Variants in PRKCH observed in about 807,000 individuals in gnomAD.
PRKCH encodes protein kinase C eta, also known as protein kinase C eta type.
A neutral mutation model predicts 82.5 loss-of-function variants in PRKCH; 28 were observed. The observed-to-expected ratio is 0.34, with a 90% confidence interval of 0.25 to 0.47. The LOEUF (loss-of-function observed/expected upper bound fraction) is 0.47, where lower values mean the gene tolerates loss of function less well. PRKCH is among the 20% of genes least tolerant of loss of function. The probability of loss-of-function intolerance (pLI) is 1.00; values close to 1 mark genes in which losing one functional copy is unlikely to be tolerated. For missense variants in PRKCH, 705 were observed against 881.8 expected, an observed-to-expected ratio of 0.80 and a Z score of 2.54; for synonymous variants, 322 against 327.4, an observed-to-expected ratio of 0.98 and a Z score of 0.18.
intron 1 of PRKCH, among the ~76,000 whole-genome samples, chr14:61,229,524 G>A (rs76597683): frequency 3.3e-5 from 5 of 152,222 alleles, no homozygotes; most frequent in Non-Finnish European, 7.3e-5. Flanking sequence ...GCCACTAGCT[G>A]TTTGTGTAAA....
intron 2 of PRKCH, among the ~76,000 whole-genome samples, chr14:61,420,468 CAG>C (rs1285373333): frequency 6.6e-6 from 1 of 152,208 alleles, no homozygotes; most frequent in Non-Finnish European, 1.5e-5. Context: ...CGCATAGGCT[CAG>C]GGAGGGAATT....
chr14:61,470,446 T>C (rs3783787), intron 9 of PRKCH, among the ~76,000 whole-genome samples: 55,116 of 151,868 alleles, frequency 0.36, 11,712 homozygotes, highest in East Asian at 0.58. Flanking sequence ...ACCCATGTGC[T>C]ATCAAGAGCG....
chr14:61,454,259 G>A (rs1884656534), intron 7 of PRKCH, among the ~76,000 whole-genome samples: 1 of 151,870 alleles, frequency 6.6e-6, no homozygotes, highest in Non-Finnish European at 1.5e-5. Context: ...GCCCACTACC[G>A]CGCCTGGCTG....
chr14:61,227,190 G>A (rs1287443164), intron 1 of PRKCH, among the ~76,000 whole-genome samples: 1 of 152,220 alleles, frequency 6.6e-6, no homozygotes, highest in Non-Finnish European at 1.5e-5. Context: ...GGTTCTCAAA[G>A]TCAGACTGCT....
chr14:61,223,106 A>G (rs186226866), intron 1 of PRKCH, among the ~76,000 whole-genome samples: 1 of 152,316 alleles, frequency 6.6e-6, no homozygotes. Flanking sequence ...CCAATTCTCC[A>G]TAAGCAAAGA....
chr14:61,350,620 C>A (rs938091435), intron 1 of PRKCH, among the ~76,000 whole-genome samples: 13 of 152,116 alleles, frequency 8.5e-5, no homozygotes, highest in Non-Finnish European at 1.8e-4. Context: ...GAAAGAATAT[C>A]CCCCCTCCCC....
chr14:61,201,406 C>T (rs1282425321), intron 1 of PRKCH, among the ~76,000 whole-genome samples: 1 of 152,086 alleles, frequency 6.6e-6, no homozygotes, highest in African/African-American at 2.4e-5. Context: ...TGATATATTG[C>T]TTCTGGCTAA....
chr14:61,442,229 A>T (rs890713117), intron 2 of PRKCH, among the ~76,000 whole-genome samples: 1 of 152,178 alleles, frequency 6.6e-6, no homozygotes, highest in Non-Finnish European at 1.5e-5. Context: ...AGACATAATG[A>T]TGTAGTTTTC....
At chr14:61,334,470 T>TTGCGTC in intron 1 of PRKCH, among the ~76,000 whole-genome samples, 1 of 152,240 alleles carries the variant, frequency 6.6e-6, no homozygotes, top group East Asian at 1.9e-4. Context: ...TGCAGCAGAC[T>TTGCGTC]TGCTGCACAG....
intron 1 of PRKCH, among the ~76,000 whole-genome samples, chr14:61,324,271 A>G (rs2140119608): frequency 6.6e-6 from 1 of 152,334 alleles, no homozygotes; most frequent in Non-Finnish European, 1.5e-5. Context: ...CTGGATGAAT[A>G]TTCAGTGTAA....
intron 1 of PRKCH, chr14:61,281,114 G>A (rs1594889320): frequency 1.4e-6 from 2 of 1,439,058 alleles, no homozygotes; most frequent in Non-Finnish European, 1.8e-6. Context: ...TTGTCGGGCT[G>A]GTGGGCGCCC....
intron 1 of PRKCH, chr14:61,303,390 A>G (rs1022270908): frequency 1.3e-5 from 2 of 152,118 alleles, no homozygotes; most frequent in Non-Finnish European, 2.9e-5. Flanking sequence ...ATAAACATTT[A>G]TATTTTTTAT....
intron 1 of PRKCH, among the ~76,000 whole-genome samples, chr14:61,326,089 T>C (rs2045692191): frequency 6.6e-6 from 1 of 152,228 alleles, no homozygotes; most frequent in Non-Finnish European, 1.5e-5. Flanking sequence ...CTATATAACT[T>C]ACTGTTTAGT....
At chr14:61,371,314 A>C (rs557588696) in intron 1 of PRKCH, among the ~76,000 whole-genome samples, 1 of 152,164 alleles carries the variant, frequency 6.6e-6, no homozygotes, top group East Asian at 1.9e-4. Context: ...ATGATACATT[A>C]TTACTAATTA....
chr14:61,287,705 G>A (rs1227901952), intron 1 of PRKCH, among the ~76,000 whole-genome samples: 8 of 151,290 alleles, frequency 5.3e-5, no homozygotes, highest in Non-Finnish European at 1.2e-4. Context: ...GTGAGATTCC[G>A]TCTCAAGGAA....
At chr14:61,476,034 A>G (rs1022138451) in intron 9 of PRKCH, among the ~76,000 whole-genome samples, 1 of 152,256 alleles carries the variant, frequency 6.6e-6, no homozygotes, top group Non-Finnish European at 1.5e-5. Context: ...AGCTTTATAA[A>G]GGAAAATATA....
In PRKCH at chr14:61,453,991, C is replaced by T. The variant is rs552062813; in HGVS notation, c.960+638C>T. Among the ~76,000 whole-genome samples, 8 of 151,930 alleles carry T rather than the reference C, an allele frequency of 5.3e-5. No individual in the cohort carries two copies. In the East Asian group the frequency reaches 7.7e-4, roughly 15 times the overall value. ...GCATTTTTAATAGCAATTTGTTTCA[C>T]GGATAAGATTGTATATACAGTTATA... On this transcript the variant is annotated intron_variant, in intron 7 of 13. Transcript: ENST00000332981.
In PRKCH at chr14:61,502,062, TTTC is replaced by T. The variant is rs141986179; in HGVS notation, c.1433+16409_1433+16411del. ...AATCTTTTCTTTTCTTTTCTTTTCT[TTTC>T]TTTTTTTTTTTTTTTTTCCGAGATG... On this transcript the variant is annotated intron_variant, in intron 10 of 13. Transcript: ENST00000332981. Among the ~76,000 whole-genome samples the T allele has an allele frequency of 5.4e-3, 48 of 8,950 alleles. 3 individuals carry two copies. Among genetic ancestry groups the T allele is most frequent in the Middle Eastern group, 0.062 (1 of 16 alleles). 5.9% of individuals were successfully genotyped at this position (8,950 alleles called of 152,430 possible).
At position 61,431,404 on chromosome 14, in the gene PRKCH, G is replaced by A. The variant is rs369721337; in HGVS notation, c.428-11707G>A. On this transcript the variant is annotated intron_variant, in intron 2 of 13. Coordinates refer to ENST00000332981, the MANE Select transcript of PRKCH (RefSeq NM_006255.5). ...AATTGCCCACTTGGCCCTCTTCCAC[G>A]TGTACTTTGCTTCCTTTCATTCCTG... Among the ~76,000 whole-genome samples, 7 of 152,266 alleles carry A rather than the reference G, an allele frequency of 4.6e-5. No homozygotes were observed. In the East Asian group the frequency reaches 1.3e-3, roughly 29 times the overall value.
Sources: gnomAD v4.1 joint callset for allele counts (sites outside exome capture counted in the v4.1 genomes callset) on GRCh38, gnomAD v4.1.1 for gene constraint, MANE v1.5 for transcripts, NCBI Gene and HGNC (gene_info 2026-07-23, HGNC 2026-07-21) for gene names.